Variants in SNTG2 observed in about 807,000 individuals in gnomAD.
SNTG2 encodes syntrophin gamma 2.
A neutral mutation model predicts 70.9 loss-of-function variants in SNTG2; 74 were observed. The ratio of observed to expected loss-of-function variants is 1.04; its 90% CI spans 0.86 to 1.27. SNTG2 has a LOEUF of 1.27. Among genes scored for constraint, SNTG2 ranks in the 50% most tolerant of loss-of-function variants. The pLI is 0.00. For missense variants in SNTG2, 717 were observed against 690.7 expected (o/e 1.04, Z -0.43); for synonymous variants, 278 against 273.8 (o/e 1.02, Z -0.15).
chr2:1,193,546 G>A (rs1262824697), intron 8 of SNTG2, among the ~76,000 whole-genome samples: 7 of 152,146 alleles, frequency 4.6e-5, no homozygotes. Flanking sequence ...CATTGCTAGT[G>A]GCCACAGTGA....
intron 4 of SNTG2, among the ~76,000 whole-genome samples, chr2:1,133,229 G>A (rs1668140699): frequency 6.6e-6 from 1 of 152,138 alleles, no homozygotes; most frequent in African/African-American, 2.4e-5. Flanking sequence ...TTAATATTAA[G>A]ACTTGGTAAC....
At chr2:1,166,807 G>A (rs909355827) in intron 7 of SNTG2, among the ~76,000 whole-genome samples, 14 of 152,212 alleles carry the variant, frequency 9.2e-5, no homozygotes, top group Admixed American at 4.6e-4. Context: ...ACAAGTGGCC[G>A]GATGTGGAGA....
chr2:1,018,207 C>A (rs1205691758), intron 1 of SNTG2, among the ~76,000 whole-genome samples: 1 of 152,196 alleles, frequency 6.6e-6, no homozygotes, highest in Admixed American at 6.5e-5. Flanking sequence ...TTAAGGCTGG[C>A]TGATTGCTGA....
intron 1 of SNTG2, among the ~76,000 whole-genome samples, chr2:1,039,824 G>T (rs1325726072): frequency 6.6e-6 from 1 of 152,202 alleles, no homozygotes; most frequent in African/African-American, 2.4e-5. Context: ...CTTCAGGGCT[G>T]TCAGCCCTGC....
intron 1 of SNTG2, among the ~76,000 whole-genome samples, chr2:952,477 G>A (rs1660006687): frequency 6.6e-6 from 1 of 152,182 alleles, no homozygotes; most frequent in Admixed American, 6.5e-5. Context: ...AACAAATAAA[G>A]CAACTGCGCG....
intron 1 of SNTG2, among the ~76,000 whole-genome samples, chr2:1,079,873 TA>T (rs2148160684): frequency 6.6e-6 from 1 of 152,350 alleles, no homozygotes; most frequent in South Asian, 2.1e-4. Context: ...TGATGTGAAC[TA>T]AAAACTGTTC....
chr2:1,201,640 A>G (rs1673284007), intron 8 of SNTG2, among the ~76,000 whole-genome samples: 3 of 151,974 alleles, frequency 2.0e-5, no homozygotes, highest in African/African-American at 7.2e-5. Context: ...AACACAATGA[A>G]ATGATAAATG....
chr2:1,364,057 G>A (rs1259790360), intron 16 of SNTG2, among the ~76,000 whole-genome samples: 3 of 152,114 alleles, frequency 2.0e-5, no homozygotes, highest in Non-Finnish European at 2.9e-5. Context: ...TGCAACTTCC[G>A]CCTCCCGGGT....
chr2:952,390 A>G (rs538572034), intron 1 of SNTG2, among the ~76,000 whole-genome samples: 1 of 152,356 alleles, frequency 6.6e-6, no homozygotes, highest in Admixed American at 6.5e-5. Context: ...TAATCATTGT[A>G]ATTATAGCGG....
In SNTG2 at chr2:1,155,410, C is replaced by T. The variant is rs549194021; in HGVS notation, c.412-10138C>T. 3.9e-5 allele frequency among the ~76,000 whole-genome samples: 6 copies of T among 152,120 alleles called. No individual in the cohort carries two copies. The South Asian group carries it at 1.2e-3, about 32-fold the overall frequency. ...ACACATACACCACATATACATGCCCCACATCACACACACGTGTACACACAC... is the reference window on the plus strand; with the variant it reads ...ACACATACACCACATATACATGCCCTACATCACACACACGTGTACACACAC... On this transcript the variant is annotated intron_variant, in intron 6 of 16. Coordinates refer to ENST00000308624, the MANE Select transcript of SNTG2 (RefSeq NM_018968.4).
At chr2:1,258,886 G>A (rs1678263848) in intron 12 of SNTG2, among the ~76,000 whole-genome samples, 3 of 152,126 alleles carry the variant, frequency 2.0e-5, no homozygotes, top group African/African-American at 7.2e-5. Context: ...ATTCATTTCT[G>A]AAACAGAACT....
At chr2:1,024,367 A>T (rs1218938602) in intron 1 of SNTG2, among the ~76,000 whole-genome samples, 1 of 152,192 alleles carries the variant, frequency 6.6e-6, no homozygotes, top group East Asian at 1.9e-4. Context: ...TTCTGATAAA[A>T]ACATGAAGAC....
rs1660462022 is a variant in SNTG2, at chr2:1,025,961, CTGAACTAGTTGTTA to C, written c.73-57556_73-57543del. ...GGGCTCTGCAGGAATAATTGACTTG[CTGAACTAGTTGTTA>C]AGCCCAGGAGTTTTAAGTCAGCATT... On this transcript the variant is annotated intron_variant, in intron 1 of 16. Transcript: ENST00000308624. Among the ~76,000 whole-genome samples the C allele has an allele frequency of 2.6e-5, 4 of 152,342 alleles. No homozygotes were observed. In the East Asian group the frequency reaches 5.8e-4, roughly 22 times the overall value.
At chr2:1,001,911 A>G (rs181622482) in intron 1 of SNTG2, among the ~76,000 whole-genome samples, 1 of 152,226 alleles carries the variant, frequency 6.6e-6, no homozygotes, top group East Asian at 1.9e-4. Flanking sequence ...TGATATAAAA[A>G]TAGACATGTA....
rs139372846 is a variant in SNTG2 at position 1,174,509 on chromosome 2, G to T, written c.591+1326G>T. Among the ~76,000 whole-genome samples, 843 of 152,180 alleles carry T rather than the reference G, an allele frequency of 5.5e-3. 9 individuals are homozygous for T. Among genetic ancestry groups the T allele is most frequent in the African/African-American group, 0.019 (809 of 41,510 alleles). ...TTCTAGTTTATCATCATTAAAAGAG[G>T]TGCAGCCATAAAGATACTTATAAAT... On this transcript the variant is annotated intron_variant, in intron 8 of 16. Coordinates refer to ENST00000308624, the MANE Select transcript of SNTG2 (RefSeq NM_018968.4).
intron 16 of SNTG2, among the ~76,000 whole-genome samples, chr2:1,358,220 T>C (rs4927600): frequency 0.72 from 109,699 of 152,024 alleles, 39,877 homozygotes; most frequent in East Asian, 0.94. Flanking sequence ...TTATTGTAGT[T>C]TAGGACATCA....
chr2:1,187,670 C>T (rs1448564176), intron 8 of SNTG2, among the ~76,000 whole-genome samples: 1 of 152,118 alleles, frequency 6.6e-6, no homozygotes, highest in Non-Finnish European at 1.5e-5. Flanking sequence ...TATTGTGAAA[C>T]TACGGAGCAC....
intron 13 of SNTG2, among the ~76,000 whole-genome samples, chr2:1,264,337 T>A (rs997507432): frequency 2.0e-5 from 3 of 152,224 alleles, no homozygotes; most frequent in Non-Finnish European, 1.5e-5. Flanking sequence ...AATGTCTTAA[T>A]CATCCCTGTG....
intron 4 of SNTG2, among the ~76,000 whole-genome samples, chr2:1,118,826 G>GAA (rs147125536): frequency 0.013 from 1,950 of 151,824 alleles, 36 homozygotes; most frequent in African/African-American, 0.042. Context: ...AGCAAAAACA[G>GAA]AAAAAAAGGA....
Sources: gnomAD v4.1 joint callset for allele counts (sites outside exome capture counted in the v4.1 genomes callset) on GRCh38, gnomAD v4.1.1 for gene constraint, MANE v1.5 for transcripts, NCBI Gene and HGNC (gene_info 2026-07-23, HGNC 2026-07-21) for gene names.